The following DMRT3 variants were observed in gnomAD, a reference collection of about 807,000 sequenced individuals.
The protein encoded by DMRT3 is doublesex- and mab-3-related transcription factor 3.
A neutral mutation model predicts 34.9 loss-of-function variants in DMRT3; 29 were observed. That is an observed-to-expected ratio of 0.83 (90% CI 0.62 to 1.13). The LOEUF (loss-of-function observed/expected upper bound fraction) is 1.13, where lower values mean the gene tolerates loss of function less well. DMRT3 is among the 50% of genes most tolerant of loss of function. The probability of loss-of-function intolerance (pLI) is 0.00; values close to 1 mark genes in which losing one functional copy is unlikely to be tolerated. For synonymous variants in DMRT3, 350 were observed against 286.0 expected, an observed-to-expected ratio of 1.22 and a Z score of -2.26; for missense variants, 772 against 629.1, an observed-to-expected ratio of 1.23 and a Z score of -2.43.
At chr9:988,677 G>A (rs997229343) in intron 1 of DMRT3, among the ~76,000 whole-genome samples, 1 of 152,122 alleles carries the variant, frequency 6.6e-6, no homozygotes, top group African/African-American at 2.4e-5. Flanking sequence ...AATTTCACCG[G>A]CTGGCTATCT....
intron 1 of DMRT3, among the ~76,000 whole-genome samples, chr9:989,220 C>T (rs750059848): frequency 3.9e-5 from 6 of 152,350 alleles, no homozygotes; most frequent in Admixed American, 2.6e-4. Flanking sequence ...GTATCTGCCT[C>T]GTGCCACCCG....
At chr9:977,918 C>A (rs1289788952) in intron 1 of DMRT3, among the ~76,000 whole-genome samples, 1 of 151,592 alleles carries the variant, frequency 6.6e-6, no homozygotes, top group Admixed American at 6.6e-5. Context: ...GGCCAACACT[C>A]GGCTGAGTCG....
intron 1 of DMRT3, 146 bp from the exon 2 acceptor site, chr9:989,895 A>C: frequency 9.3e-7 from 1 of 1,073,448 alleles, no homozygotes. Context: ...TATAGTTCGA[A>C]TTTTTTTAAA....
At chr9:986,361 G>C (rs1463949373) in intron 1 of DMRT3, among the ~76,000 whole-genome samples, 2 of 150,772 alleles carry the variant, frequency 1.3e-5, no homozygotes, top group Non-Finnish European at 3.0e-5. Context: ...TTTTTGTAAT[G>C]GTAGAGTCAT....
chr9:980,312 A>G (rs768710684), intron 1 of DMRT3, among the ~76,000 whole-genome samples: 9 of 152,136 alleles, frequency 5.9e-5, no homozygotes, highest in Non-Finnish European at 1.2e-4. Flanking sequence ...TATTTTATCT[A>G]ATGGTGTAGT....
chr9:978,289 G>C (rs1820177654), intron 1 of DMRT3, among the ~76,000 whole-genome samples: 4 of 152,170 alleles, frequency 2.6e-5, no homozygotes, highest in Non-Finnish European at 5.9e-5. Context: ...AGCTTGGCAG[G>C]CCTGAGTTGA....
chr9:981,979 C>G (rs999275243), intron 1 of DMRT3, among the ~76,000 whole-genome samples: 2 of 152,228 alleles, frequency 1.3e-5, no homozygotes, highest in Admixed American at 1.3e-4. Context: ...CTCTCCTTCC[C>G]AAGGCAGGAG....
At chr9:987,164 T>C (rs1196050774) in intron 1 of DMRT3, among the ~76,000 whole-genome samples, 1 of 152,170 alleles carries the variant, frequency 6.6e-6, no homozygotes, top group African/African-American at 2.4e-5. Flanking sequence ...AACCTTTTCA[T>C]CATTCCAGAC....
intron 1 of DMRT3, among the ~76,000 whole-genome samples, chr9:984,098 G>A (rs922050119): frequency 6.6e-6 from 1 of 152,106 alleles, no homozygotes; most frequent in Non-Finnish European, 1.5e-5. Flanking sequence ...GTTTGTCTAC[G>A]ATTAGAATTC....
chr9:977,443 C>A lies in DMRT3; in HGVS notation c.442C>A (p.Leu148Ile), dbSNP rs1023606643. The A allele has an allele frequency of 1.6e-6, 2 of 1,279,590 alleles. No homozygotes were observed. The highest frequency in any genetic ancestry group is 9.9e-7 in the Non-Finnish European group (1 of 1,013,834). The allele number at this position is 1,279,590 out of a possible 1,614,324, so 79.3% of individuals were successfully genotyped here. A position where few individuals can be genotyped will look rare whatever the true frequency, so the allele number is the denominator to read the frequency against. ...GCAGCCCGGGGCTCTGCAGGCGCAG[C>A]TCGCCAAGCCAGGTAAGAGCGTCTG... ...EPQPGALQAQLAKPDLTEERL... is the reference protein window; with the variant it reads ...EPQPGALQAQIAKPDLTEERL... Residue 148 changes from leucine to isoleucine, a missense_variant, in exon 1 of 2, where the codon CTC becomes ATC. Leu to Ile is a conservative substitution (Grantham distance 5). Transcript: ENST00000190165.
intron 1 of DMRT3, 146 bp from the exon 2 acceptor site, chr9:989,895 A>T: frequency 4.7e-6 from 5 of 1,073,448 alleles, no homozygotes; most frequent in South Asian, 1.9e-5. Context: ...TATAGTTCGA[A>T]TTTTTTTAAA....
At chr9:977,734 A>C (rs1390028547) in intron 1 of DMRT3, among the ~76,000 whole-genome samples, 1 of 152,204 alleles carries the variant, frequency 6.6e-6, no homozygotes, top group Admixed American at 6.5e-5. Context: ...CCCAGGTTGA[A>C]GGGTTCGGAA....
At position 990,031 on chromosome 9, in the gene DMRT3, T is replaced by A. The variant is rs752402912; in HGVS notation, c.455-10T>A. 6.2e-7 allele frequency: 1 copy of A among 1,613,544 alleles called. No individual in the cohort carries two copies. The highest frequency in any genetic ancestry group is 1.1e-5 in the South Asian group (1 of 90,924). ...CAGGAAAAGATTAACTCAGCTGTTCTGTTTTCCAGATTTGACTGAAGAACG... is the reference window on the plus strand; with the variant it reads ...CAGGAAAAGATTAACTCAGCTGTTCAGTTTTCCAGATTTGACTGAAGAACG... On this transcript the variant is annotated splice_polypyrimidine_tract_variant and intron_variant, in intron 1 of 1. Coordinates refer to ENST00000190165, the MANE Select transcript of DMRT3 (RefSeq NM_021240.4).
chr9:980,898 C>T (rs1820208806), intron 1 of DMRT3, among the ~76,000 whole-genome samples: 1 of 152,170 alleles, frequency 6.6e-6, no homozygotes, highest in Admixed American at 6.5e-5. Context: ...TGTCCTCGGA[C>T]ACCTTAGACT....
chr9:981,215 C>T (rs750987677), intron 1 of DMRT3, among the ~76,000 whole-genome samples: 25 of 151,914 alleles, frequency 1.6e-4, no homozygotes, highest in Non-Finnish European at 3.2e-4. Context: ...ATGCTTGCCT[C>T]TGGGCTTTTC....
chr9:990,317 G>T lies in DMRT3; in HGVS notation c.731G>T (p.Ser244Ile). The T allele has an allele frequency of 6.2e-7, 1 of 1,613,712 alleles. No individual in the cohort carries two copies. The highest frequency in any genetic ancestry group is 8.5e-7 in the Non-Finnish European group (1 of 1,179,996). Residue 244 changes from serine to isoleucine, a missense_variant, in exon 2 of 2, where the codon AGC becomes ATC. Ser to Ile is a moderately radical substitution (Grantham distance 142, BLOSUM62 -2). Coordinates refer to ENST00000190165, the MANE Select transcript of DMRT3 (RefSeq NM_021240.4). ...GPSGTVSLPFSLKANRPPLEV... is the reference protein window; with the variant it reads ...GPSGTVSLPFILKANRPPLEV... ...TCGGGGACTGTTTCTCTGCCCTTCA[G>T]CTTGAAAGCCAACAGACCGCCGCTT...
chr9:977,642 G>A (rs1820169219), intron 1 of DMRT3, among the ~76,000 whole-genome samples, 187 bp downstream of exon 1: 1 of 152,182 alleles, frequency 6.6e-6, no homozygotes, highest in South Asian at 2.1e-4. Context: ...TGGACCCAGC[G>A]CGAGTGGCAC....
chr9:981,081 C>G (rs1820210702), intron 1 of DMRT3, among the ~76,000 whole-genome samples: 1 of 151,684 alleles, frequency 6.6e-6, no homozygotes, highest in Admixed American at 6.6e-5. Flanking sequence ...ATCTTCTTTC[C>G]TGTTTATTTC....
chr9:988,493 A>T (rs536132790), intron 1 of DMRT3, among the ~76,000 whole-genome samples: 3 of 152,368 alleles, frequency 2.0e-5, no homozygotes, highest in Non-Finnish European at 4.4e-5. Flanking sequence ...AAAATAAATA[A>T]CAAGTGTAGG....
Sources: allele counts gnomAD v4.1 joint callset (sites outside exome capture counted in the v4.1 genomes callset), GRCh38; gene constraint gnomAD v4.1.1; transcripts MANE v1.5; gene names NCBI Gene and HGNC (gene_info 2026-07-23, HGNC 2026-07-21).